The following IST1 variants were observed in gnomAD, a reference collection of about 807,000 sequenced individuals.
IST1 encodes the protein IST1 homolog.
A neutral mutation model predicts 37.0 loss-of-function variants in IST1; 23 were observed. The observed-to-expected ratio is 0.62, with a 90% CI of 0.45 to 0.88. IST1 has a LOEUF of 0.88. Among genes scored for constraint, IST1 ranks in the 40% least tolerant of loss-of-function variants. The pLI is 0.00. For missense variants in IST1, 488 were observed against 445.4 expected, an observed-to-expected ratio of 1.10 and a Z score of -0.86; for synonymous variants, 180 against 161.7, an observed-to-expected ratio of 1.11 and a Z score of -0.86.
At position 71,929,604 on chromosome 16, in the gene IST1, G is replaced by A. The variant is rs1250982269; in HGVS notation, c.*1791G>A. 1.3e-6 allele frequency: 2 copies of A among 1,551,814 alleles called. No homozygotes were observed. The highest frequency in any genetic ancestry group is 1.2e-5 in the South Asian group (1 of 84,060). ...CTGTCGTGGCTGCTTGCTCAGATGA[G>A]GTTTTTTGGGGCCAACTGATTCCTA... On this transcript the variant is annotated 3_prime_UTR_variant, in exon 10 of 10. Transcript: ENST00000378799.
In IST1 at chr16:71,922,479, A is replaced by G. The variant is rs940365141; in HGVS notation, c.558A>G (p.Glu186=). ...GGTTTCTCTTTTTTTCTCAGGCAGA[A>G]GCTCCTCCTGGGGTAGAGACAGATC... The part of the protein sequence containing the change: ...PYEPDSVVMA[E]APPGVETDLI... The change falls in exon 7 of 10, where the codon GAA becomes GAG. Residue 186 remains glutamate (E), a synonymous_variant. Transcript: ENST00000378799. The G allele has an allele frequency of 5.0e-6, 8 of 1,613,842 alleles. No individual in the cohort carries two copies. Among genetic ancestry groups the G allele is most frequent in the Non-Finnish European group, 6.8e-6 (8 of 1,179,872 alleles).
chr16:71,929,314 C>T lies in IST1; in HGVS notation c.*1501C>T. Reference sequence around the variant, plus strand: ...CATCCTGGGCCATGGGTGGTGAGTTCTGTTACTTGCTGCTTGGCAGCAGAG... The same window carrying T: ...CATCCTGGGCCATGGGTGGTGAGTTTTGTTACTTGCTGCTTGGCAGCAGAG... On this transcript the variant is annotated 3_prime_UTR_variant, in exon 10 of 10. Transcript: ENST00000378799. The T allele has an allele frequency of 2.4e-6, 1 of 410,716 alleles. No individual in the cohort carries two copies. Among genetic ancestry groups the T allele is most frequent in the Non-Finnish European group, 4.3e-6 (1 of 233,388 alleles). 25.4% of individuals were successfully genotyped at this position (410,716 alleles called of 1,614,324 possible). A position where few individuals can be genotyped will look rare whatever the true frequency, so the allele number is the denominator to read the frequency against.
chr16:71,901,981 A>C (rs912173621), intron 1 of IST1, among the ~76,000 whole-genome samples: 1 of 152,242 alleles, frequency 6.6e-6, no homozygotes, highest in Non-Finnish European at 1.5e-5. Flanking sequence ...TTATTTTAAC[A>C]TAAAACACAC....
At chr16:71,898,114 C>T (rs1263114963) in intron 1 of IST1, among the ~76,000 whole-genome samples, 1 of 152,216 alleles carries the variant, frequency 6.6e-6, no homozygotes, top group African/African-American at 2.4e-5. Flanking sequence ...GTGGCTCACG[C>T]CTGTAATCCC....
At chr16:71,923,427 T>G (rs2037658968) in intron 8 of IST1, 47 bp downstream of exon 8, 1 of 1,215,966 alleles carries the variant, frequency 8.2e-7, no homozygotes, top group Admixed American at 1.8e-5. Flanking sequence ...GTGAATGCCA[T>G]GAAGAGCGAG....
At chr16:71,927,263 C>T (rs1296297307) in intron 9 of IST1, among the ~76,000 whole-genome samples, 1 of 152,098 alleles carries the variant, frequency 6.6e-6, no homozygotes, top group Non-Finnish European at 1.5e-5. Flanking sequence ...CTTTGGGAGG[C>T]TGAGGTGTGT....
At position 71,928,115 on chromosome 16, in the gene IST1, TGA is replaced by T. The variant is rs1285863469; in HGVS notation, c.*306_*307del. The T allele has an allele frequency of 1.6e-4, 60 of 377,354 alleles. No homozygotes were observed. In the East Asian group the frequency reaches 3.6e-3, roughly 23 times the overall value. The allele number at this position is 377,354 out of a possible 1,614,324, so 23.4% of individuals were successfully genotyped here. A position where few individuals can be genotyped will look rare whatever the true frequency, so the allele number is the denominator to read the frequency against. On this transcript the variant is annotated 3_prime_UTR_variant, in exon 10 of 10. Transcript: ENST00000378799. ...GTCCCATGGTCCCTCCACAGGAGTG[TGA>T]GAGGATGGGGGAAGCACTGTGGGAA...
In IST1 at chr16:71,922,636, C is replaced by T. The variant is rs557636792; in HGVS notation, c.715C>T (p.Pro239Ser). The T allele has an allele frequency of 8.7e-6, 14 of 1,613,498 alleles. No individual in the cohort carries two copies. The highest frequency in any genetic ancestry group is 1.2e-5 in the Non-Finnish European group (14 of 1,179,776). Residue 239 changes from proline (P) to serine (S), a missense_variant, in exon 7 of 10, where the codon CCA becomes TCA. By Grantham distance (74) the Pro-to-Ser change is moderately conservative (BLOSUM62 -1). Transcript: ENST00000378799. ...PMPMPMPMPM[P>S]SANTPFSYPL... ...GCCCATGCCCATGCCCATGCCTATGCCATCTGCAAATACGCCTTTCTCATA... is the reference window on the plus strand; with the variant it reads ...GCCCATGCCCATGCCCATGCCTATGTCATCTGCAAATACGCCTTTCTCATA...
At chr16:71,914,566 A>T (rs949653612) in intron 1 of IST1, among the ~76,000 whole-genome samples, 1 of 152,202 alleles carries the variant, frequency 6.6e-6, no homozygotes, top group Admixed American at 6.5e-5. Flanking sequence ...TAATTACTGG[A>T]TTCCAGATAC....
intron 1 of IST1, among the ~76,000 whole-genome samples, chr16:71,907,426 C>T (rs1378544515): frequency 1.1e-4 from 17 of 151,748 alleles, no homozygotes; most frequent in South Asian, 6.3e-4. Flanking sequence ...TATAGGCACC[C>T]GCCACCACGC....
At chr16:71,920,867 G>C (rs1343909204) in intron 5 of IST1, 45 bp downstream of exon 5, 1 of 1,371,478 alleles carries the variant, frequency 7.3e-7, no homozygotes, top group Non-Finnish European at 1.0e-6. Flanking sequence ...TGTGGGAGCA[G>C]TTTATTGTAC....
chr16:71,927,890 G>T lies in IST1; in HGVS notation c.*77G>T. On this transcript the variant is annotated 3_prime_UTR_variant, in exon 10 of 10. Transcript: ENST00000378799. ...TCTCCTTGTAACAAAGAATCTCCAT[G>T]AAATTCTGTTTCATCTGTTAACCGT... 1 of 1,047,474 alleles carries T rather than the reference G, an allele frequency of 9.5e-7. No individual in the cohort carries two copies. Among genetic ancestry groups the T allele is most frequent in the Non-Finnish European group, 1.5e-6 (1 of 682,244 alleles). 64.9% of individuals were successfully genotyped at this position (1,047,474 alleles called of 1,614,324 possible).
In IST1 at chr16:71,924,759, T is replaced by A; in HGVS notation, c.853-10T>A. The A allele has an allele frequency of 6.2e-7, 1 of 1,601,252 alleles. No individual in the cohort carries two copies. Among genetic ancestry groups the A allele is most frequent in the Middle Eastern group, 1.7e-4 (1 of 6,042 alleles). The stretch of plus-strand genomic sequence containing the variant: ...TGCTGTCTCCTCTGGTAACAATCTT[T>A]GTGTTTCAGGTAGATGACATTAATG... On this transcript the variant is annotated splice_polypyrimidine_tract_variant and intron_variant, in intron 8 of 9. Coordinates refer to ENST00000378799, the MANE Select transcript of IST1 (RefSeq NM_001270975.2).
chr16:71,929,581 G>GTC lies in IST1; in HGVS notation c.*1769_*1770dup. 1.3e-6 allele frequency: 2 copies of GTC among 1,551,786 alleles called. No individual in the cohort carries two copies. Among genetic ancestry groups the GTC allele is most frequent in the Non-Finnish European group, 1.7e-6 (2 of 1,147,002 alleles). On this transcript the variant is annotated 3_prime_UTR_variant, in exon 10 of 10. Transcript: ENST00000378799. ...AACTTCAGTGTCACTGCCCACTGCT[G>GTC]TCGTGGCTGCTTGCTCAGATGAGGT...
At chr16:71,911,472 G>T (rs995864793) in intron 1 of IST1, among the ~76,000 whole-genome samples, 1 of 152,098 alleles carries the variant, frequency 6.6e-6, no homozygotes, top group Admixed American at 6.6e-5. Flanking sequence ...GGCAGGGGTT[G>T]CAGTGAGCTA....
chr16:71,903,695 G>T (rs946893714), intron 1 of IST1: 2 of 152,132 alleles, frequency 1.3e-5, no homozygotes, highest in Non-Finnish European at 2.9e-5. Context: ...TACCATGCCT[G>T]GTCCTATTTA....
At chr16:71,900,765 T>TA (rs2037090442) in intron 1 of IST1, among the ~76,000 whole-genome samples, 1 of 152,176 alleles carries the variant, frequency 6.6e-6, no homozygotes. Context: ...TTACTTGTCT[T>TA]ATAGTTGTTT....
chr16:71,917,509 G>C (rs2037490641), intron 4 of IST1, among the ~76,000 whole-genome samples: 1 of 152,132 alleles, frequency 6.6e-6, no homozygotes, highest in Admixed American at 6.6e-5. Context: ...AATTGTATGA[G>C]CTATGTAAGT....
chr16:71,909,570 A>G (rs1429330205), intron 1 of IST1, among the ~76,000 whole-genome samples: 2 of 152,176 alleles, frequency 1.3e-5, no homozygotes, highest in East Asian at 1.9e-4. Context: ...ATTAAAGCAT[A>G]CTTTTCATTA....
Sources: allele counts gnomAD v4.1 joint callset (sites outside exome capture counted in the v4.1 genomes callset), GRCh38; gene constraint gnomAD v4.1.1; transcripts MANE v1.5; gene names NCBI Gene and HGNC (gene_info 2026-07-23, HGNC 2026-07-21).